PRKCE: variants seen among roughly 807,000 people sequenced by gnomAD.
PRKCE encodes the protein protein kinase C epsilon.
In PRKCE, 16 loss-of-function variants were observed where a neutral mutation model predicts 85.4. The ratio of observed to expected loss-of-function variants is 0.19; its 90% confidence interval spans 0.13 to 0.28. The LOEUF (loss-of-function observed/expected upper bound fraction) is 0.28, where lower values mean the gene tolerates loss of function less well. Among genes scored for constraint, PRKCE ranks in the 10% least tolerant of loss-of-function variants. PRKCE has a pLI of 1.00. For missense variants in PRKCE, 573 were observed against 975.2 expected, an observed-to-expected ratio of 0.59 and a Z score of 5.49; for synonymous variants, 388 against 371.5, an observed-to-expected ratio of 1.04 and a Z score of -0.51.
Position 46,041,875 on chromosome 2 carries a change from T to G in PRKCE, c.1437+31358T>G, listed in dbSNP as rs1448098690. ...TGTTAACATGTCGGCTTGAATACTC[T>G]TATTTTCCACACTGGAAACTTACCA... On this transcript the variant is annotated intron_variant, in intron 10 of 14. Coordinates refer to ENST00000306156, the MANE Select transcript of PRKCE (RefSeq NM_005400.3). This position sits in a 1 kb window ranked among gnomAD's most constrained non-coding sequence, Gnocchi z 5.5. Among the ~76,000 whole-genome samples the G allele has an allele frequency of 6.6e-6, 1 of 152,244 alleles. No homozygotes were observed. Among genetic ancestry groups the G allele is most frequent in the Non-Finnish European group, 1.5e-5 (1 of 68,046 alleles).
intron 1 of PRKCE, among the ~76,000 whole-genome samples, chr2:45,830,777 T>C (rs1013715261): frequency 1.3e-5 from 2 of 152,236 alleles, no homozygotes; most frequent in African/African-American, 4.8e-5. Flanking sequence ...CCATTGACAA[T>C]ATTGATGTTA....
At chr2:45,710,336 C>T (rs1207752436) in intron 1 of PRKCE, among the ~76,000 whole-genome samples, 1 of 152,194 alleles carries the variant, frequency 6.6e-6, no homozygotes, top group Admixed American at 6.5e-5. Flanking sequence ...AATAGTCTGG[C>T]TTCAAAGTCC....
At chr2:45,740,548 C>T (rs1157652817) in intron 1 of PRKCE, among the ~76,000 whole-genome samples, 1 of 152,176 alleles carries the variant, frequency 6.6e-6, no homozygotes, top group East Asian at 1.9e-4. Context: ...ACCCTTCCCC[C>T]TGCCCATTGC....
chr2:45,958,156 G>A (rs1325187011), intron 2 of PRKCE, among the ~76,000 whole-genome samples: 1 of 136,934 alleles, frequency 7.3e-6, no homozygotes, highest in African/African-American at 2.8e-5. Context: ...AATGGTGATG[G>A]AGTTATATTA....
At chr2:45,927,088 G>T (rs116191915) in intron 2 of PRKCE, among the ~76,000 whole-genome samples, 132 of 151,860 alleles carry the variant, frequency 8.7e-4, no homozygotes, top group African/African-American at 3.1e-3. Flanking sequence ...ACATGTGAGC[G>T]TGCATGGGAC....
At chr2:46,144,840 T>C (rs531352338) in intron 11 of PRKCE, among the ~76,000 whole-genome samples, 3 of 152,286 alleles carry the variant, frequency 2.0e-5, no homozygotes, top group East Asian at 3.9e-4. Context: ...TTAGCTCTAT[T>C]AAACCACAGC....
intron 11 of PRKCE, among the ~76,000 whole-genome samples, chr2:46,137,408 C>T (rs1675105592): frequency 6.6e-6 from 1 of 151,966 alleles, no homozygotes. Context: ...TCTTAGAAGC[C>T]AAAATATGTG....
rs1299993450 is a variant in PRKCE, at chr2:46,001,763, C to T, written c.966+217C>T. ...AAAGTGGACTGAAAACACAGCAAGC[C>T]TCAAGGGTTACGTTTGCCAAAGAAA... is the stretch of plus-strand genomic sequence containing the variant. On this transcript the variant is annotated intron_variant, in intron 7 of 14. Transcript: ENST00000306156. The surrounding 1 kb of genome is among the most constrained non-coding windows in gnomAD (Gnocchi z 4.4). Among the ~76,000 whole-genome samples the T allele has an allele frequency of 6.6e-6, 1 of 152,190 alleles. No homozygotes were observed. The highest frequency in any genetic ancestry group is 1.5e-5 in the Non-Finnish European group (1 of 68,036).
At chr2:46,074,457 C>T (rs1221795843) in intron 10 of PRKCE, among the ~76,000 whole-genome samples, 1 of 134,262 alleles carries the variant, frequency 7.4e-6, no homozygotes, top group South Asian at 2.4e-4. Flanking sequence ...AAGAAAAACA[C>T]GGATAGAAAA....
intron 1 of PRKCE, among the ~76,000 whole-genome samples, chr2:45,784,361 A>C (rs568573565): frequency 6.6e-6 from 1 of 152,356 alleles, no homozygotes; most frequent in East Asian, 1.9e-4. Context: ...CTGCCAAAAA[A>C]GGAAGAAGTG....
At chr2:45,838,158 C>T (rs1691046877) in intron 1 of PRKCE, among the ~76,000 whole-genome samples, 1 of 152,180 alleles carries the variant, frequency 6.6e-6, no homozygotes, top group South Asian at 2.1e-4. Flanking sequence ...CCTTCCAGGT[C>T]TGCCTGGGGA....
intron 1 of PRKCE, among the ~76,000 whole-genome samples, chr2:45,839,263 A>G (rs1691152248): frequency 6.6e-6 from 1 of 152,094 alleles, no homozygotes. Flanking sequence ...GCCTGAGGTC[A>G]CTCAGCTGAT....
At chr2:45,987,271 G>A (rs1287857312) in intron 6 of PRKCE, among the ~76,000 whole-genome samples, 1 of 152,100 alleles carries the variant, frequency 6.6e-6, no homozygotes. Context: ...AGGATGCCTG[G>A]AGCAAGGGTA....
intron 1 of PRKCE, among the ~76,000 whole-genome samples, chr2:45,802,456 A>G (rs574934540): frequency 6.6e-6 from 1 of 152,270 alleles, no homozygotes; most frequent in East Asian, 1.9e-4. Flanking sequence ...CTTAGATAAG[A>G]TGATCTACTG....
chr2:45,680,588 G>A (rs981012923), intron 1 of PRKCE, among the ~76,000 whole-genome samples: 1 of 152,184 alleles, frequency 6.6e-6, no homozygotes, highest in South Asian at 2.1e-4. Context: ...CTTGATAAAG[G>A]CCAGCCGACT....
At chr2:46,146,590 G>T (rs140267899) in intron 12 of PRKCE, among the ~76,000 whole-genome samples, 2,520 of 152,316 alleles carry the variant, frequency 0.017, 35 homozygotes, top group Middle Eastern at 0.031. Context: ...CGGAAGGGGT[G>T]GGGAGGGTAT....
At chr2:45,712,881 G>A (rs114388129) in intron 1 of PRKCE, among the ~76,000 whole-genome samples, 145 of 152,196 alleles carry the variant, frequency 9.5e-4, no homozygotes, top group African/African-American at 3.3e-3. Flanking sequence ...ATTTATCTTC[G>A]TATTCGCCCC....
intron 10 of PRKCE, among the ~76,000 whole-genome samples, chr2:46,038,813 G>C (rs1257321760): frequency 6.6e-6 from 1 of 152,090 alleles, no homozygotes. Context: ...ACTCCAAACA[G>C]AGGAATGACA....
intron 11 of PRKCE, among the ~76,000 whole-genome samples, chr2:46,087,433 T>A (rs2103918547): frequency 6.6e-6 from 1 of 152,304 alleles, no homozygotes; most frequent in Non-Finnish European, 1.5e-5. Flanking sequence ...TGAACGTTAC[T>A]GACCTGCTCC....
Sources: gnomAD v4.1 joint callset for allele counts (sites outside exome capture counted in the v4.1 genomes callset) on GRCh38, gnomAD v4.1.1 for gene constraint, Gnocchi (gnomAD v3.1) non-coding constraint, MANE v1.5 for transcripts, NCBI Gene and HGNC (gene_info 2026-07-23, HGNC 2026-07-21) for gene names.